Variants in PCED1B observed in about 807,000 individuals in gnomAD.
PCED1B encodes PC-esterase domain-containing protein 1B.
For synonymous variants in PCED1B, 251 were observed against 246.1 expected (o/e 1.02, Z -0.19); for missense variants, 573 against 573.9 (o/e 1.00, Z 0.02).
At chr12:47,177,421 C>T (rs912053810) in intron 2 of PCED1B, among the ~76,000 whole-genome samples, 11 of 152,174 alleles carry the variant, frequency 7.2e-5, no homozygotes, top group Non-Finnish European at 1.2e-4. Context: ...GACACATTCA[C>T]CCCATTCCTC....
chr12:47,122,194 A>G (rs1212731715), intron 2 of PCED1B, among the ~76,000 whole-genome samples: 1 of 152,218 alleles, frequency 6.6e-6, no homozygotes, highest in Admixed American at 6.5e-5. Context: ...ATTTTAAATT[A>G]GGCGTTCATC....
chr12:47,146,275 G>T (rs1351542201), intron 2 of PCED1B, among the ~76,000 whole-genome samples: 1 of 152,216 alleles, frequency 6.6e-6, no homozygotes, highest in Non-Finnish European at 1.5e-5. Flanking sequence ...ACCAAAGAAA[G>T]TGGTTTCTTG....
chr12:47,213,297 G>A (rs1464583736), intron 2 of PCED1B, among the ~76,000 whole-genome samples: 1 of 152,182 alleles, frequency 6.6e-6, no homozygotes, highest in Admixed American at 6.5e-5. Flanking sequence ...GTGCTTGAAA[G>A]TACTAATTGT....
chr12:47,170,573 A>G (rs1339001803), intron 2 of PCED1B, among the ~76,000 whole-genome samples: 2 of 152,192 alleles, frequency 1.3e-5, no homozygotes, highest in African/African-American at 2.4e-5. Context: ...GGTGGTTTTA[A>G]GCTTAAATTC....
chr12:47,130,416 C>T (rs555061738), intron 2 of PCED1B, among the ~76,000 whole-genome samples: 3 of 152,128 alleles, frequency 2.0e-5, no homozygotes, highest in Non-Finnish European at 4.4e-5. Context: ...GTGGCTCACA[C>T]CTGTAATCCC....
At chr12:47,123,270 C>T (rs1939754380) in intron 2 of PCED1B, among the ~76,000 whole-genome samples, 1 of 152,042 alleles carries the variant, frequency 6.6e-6, no homozygotes, top group African/African-American at 2.4e-5. Flanking sequence ...TTCATGTTAC[C>T]GAACACTAAA....
At chr12:47,158,465 C>T (rs1941266482) in intron 2 of PCED1B, among the ~76,000 whole-genome samples, 1 of 152,034 alleles carries the variant, frequency 6.6e-6, no homozygotes, top group East Asian at 1.9e-4. Context: ...GAAGAAATGC[C>T]TATAAAGTCT....
intron 1 of PCED1B, among the ~76,000 whole-genome samples, chr12:47,081,561 G>A (rs1937723265): frequency 6.6e-6 from 1 of 151,924 alleles, no homozygotes; most frequent in African/African-American, 2.4e-5. Flanking sequence ...CTTCATGCAA[G>A]CATTTCTTAC....
intron 1 of PCED1B, among the ~76,000 whole-genome samples, chr12:47,092,309 T>G (rs983924577): frequency 6.6e-6 from 1 of 152,074 alleles, no homozygotes; most frequent in East Asian, 1.9e-4. Context: ...GTAAATATGT[T>G]TTATTTTCTA....
chr12:47,192,907 CTATT>C (rs1942489840), intron 2 of PCED1B, among the ~76,000 whole-genome samples: 2 of 152,144 alleles, frequency 1.3e-5, no homozygotes, highest in African/African-American at 4.8e-5. Flanking sequence ...TTTGGTGAAA[CTATT>C]CATTCAAGCC....
chr12:47,091,177 T>C (rs962073948), intron 1 of PCED1B, among the ~76,000 whole-genome samples: 1 of 152,172 alleles, frequency 6.6e-6, no homozygotes, highest in Non-Finnish European at 1.5e-5. Context: ...TAATTCTTAT[T>C]CCTTCACGTC....
intron 3 of PCED1B, among the ~76,000 whole-genome samples, chr12:47,231,459 C>T (rs889329033): frequency 6.6e-6 from 1 of 151,992 alleles, no homozygotes; most frequent in South Asian, 2.1e-4. Flanking sequence ...TTATACAGCT[C>T]CATTGCAGCA....
At chr12:47,152,369 T>C (rs908771859) in intron 2 of PCED1B, among the ~76,000 whole-genome samples, 2 of 152,178 alleles carry the variant, frequency 1.3e-5, no homozygotes, top group Non-Finnish European at 2.9e-5. Flanking sequence ...ACAATATTGC[T>C]TCTGGAGTCT....
chr12:47,200,581 G>A (rs1332486548), intron 2 of PCED1B, among the ~76,000 whole-genome samples: 3 of 152,258 alleles, frequency 2.0e-5, no homozygotes, highest in Non-Finnish European at 4.4e-5. Flanking sequence ...TCCAGCAATC[G>A]TACTCCCATT....
At chr12:47,156,108 C>T (rs1403618521) in intron 2 of PCED1B, among the ~76,000 whole-genome samples, 1 of 152,220 alleles carries the variant, frequency 6.6e-6, no homozygotes, top group East Asian at 1.9e-4. Context: ...GTTCTTAAAG[C>T]ACATGCATAA....
At chr12:47,234,967 G>C in intron 3 of PCED1B, 40 bp from the exon 4 acceptor site, 1 of 1,202,432 alleles carries the variant, frequency 8.3e-7, no homozygotes, top group Non-Finnish European at 1.1e-6. Context: ...GCTCCGCCCA[G>C]AGGTGAGTCC....
intron 2 of PCED1B, among the ~76,000 whole-genome samples, chr12:47,188,359 T>A (rs940450112): frequency 1.3e-5 from 2 of 152,174 alleles, no homozygotes; most frequent in African/African-American, 4.8e-5. Context: ...GGACAAGAAT[T>A]CAGGAAGGGT....
chr12:47,157,979 C>G (rs996855186), intron 2 of PCED1B, among the ~76,000 whole-genome samples: 1 of 152,186 alleles, frequency 6.6e-6, no homozygotes, highest in African/African-American at 2.4e-5. Flanking sequence ...GATTTCCTTC[C>G]TTTAAAGGTT....
intron 2 of PCED1B, among the ~76,000 whole-genome samples, chr12:47,203,312 A>G (rs1308636036): frequency 3.3e-5 from 5 of 151,780 alleles, no homozygotes; most frequent in Non-Finnish European, 5.9e-5. Context: ...TTTATTTCCA[A>G]CTTTTAAGTT....
Sources: gnomAD v4.1 joint callset for allele counts (sites outside exome capture counted in the v4.1 genomes callset) on GRCh38, gnomAD v4.1.1 for gene constraint, MANE v1.5 for transcripts, NCBI Gene and HGNC (gene_info 2026-07-23, HGNC 2026-07-21) for gene names.